NBPF15: variants seen among roughly 807,000 people sequenced by gnomAD.
NBPF15 encodes NBPF family member NBPF15.
A neutral mutation model predicts 62.2 loss-of-function variants in NBPF15; 74 were observed. The ratio of observed to expected loss-of-function variants is 1.19; its 90% CI spans 0.99 to 1.44. The LOEUF is 1.44. Among genes scored for constraint, NBPF15 ranks in the 40% most tolerant of loss-of-function variants. The pLI is 0.00. For synonymous variants in NBPF15, 244 were observed against 209.7 expected (o/e 1.16, Z -1.41); for missense variants, 790 against 550.0 (o/e 1.44, Z -4.36).
intron 19 of NBPF15, among the ~76,000 whole-genome samples, chr1:144,425,087 C>T (rs879949506): frequency 1.4e-5 from 2 of 146,606 alleles, no homozygotes; most frequent in South Asian, 4.6e-4. Flanking sequence ...CACACACACA[C>T]ACACACACAC....
rs1553538518 is a variant in NBPF15 at position 144,423,078 on chromosome 1, A to T, written c.1948T>A (p.Phe650Ile). The T allele has an allele frequency of 6.2e-7, 1 of 1,611,546 alleles. No homozygotes were observed. Among genetic ancestry groups the T allele is most frequent in the African/African-American group, 1.3e-5 (1 of 74,866 alleles). Residue 650 changes from phenylalanine (F) to isoleucine (I), a missense_variant, in exon 22 of 22, where the codon TTT becomes ATT. Phe to Ile is a conservative substitution (Grantham distance 21). Transcript: ENST00000581897. ...ISFALYVDNR[F>I]FTLTVTSLHL... ...AGACTTGTCACCGTCAAAGTAAAAA[A>T]CCTATTGTCCACGTAAAGGGCGAAG...
At chr1:144,435,018 A>G (rs1171564235) in intron 12 of NBPF15, 93 bp downstream of exon 12, 2 of 1,608,846 alleles carry the variant, frequency 1.2e-6, no homozygotes, top group African/African-American at 1.3e-5. Context: ...ACAGTTTTTT[A>G]TTCAAATGAA....
At chr1:144,439,610 A>C (rs61812386) in intron 8 of NBPF15, among the ~76,000 whole-genome samples, 15 of 151,980 alleles carry the variant, frequency 9.9e-5, no homozygotes, top group Admixed American at 5.2e-4. Context: ...TGGCAGTTTA[A>C]CTCTAGTCCC....
intron 8 of NBPF15, among the ~76,000 whole-genome samples, chr1:144,438,791 A>C (rs1680613071): frequency 6.6e-6 from 1 of 151,908 alleles, no homozygotes; most frequent in African/African-American, 2.4e-5. Context: ...ACTGAGGGAC[A>C]GACAAGACAA....
intron 5 of NBPF15, among the ~76,000 whole-genome samples, chr1:144,450,507 T>A (rs1690399040): frequency 6.6e-6 from 1 of 151,112 alleles, no homozygotes. Context: ...TAGCTTGAGC[T>A]CTAGGAATAA....
rs1280114293 is a variant in NBPF15, at chr1:144,427,786, G to A, written c.1213+32C>T. ...ATGACCCTAACCAGAAGACTCAGTG[G>A]ATCCTTATCACCTTCATAGAAAGGT... On this transcript the variant is annotated intron_variant, in intron 16 of 21. Transcript: ENST00000581897. 24 of 627,838 alleles carry A rather than the reference G, an allele frequency of 3.8e-5. 1 individual carries two copies. Among genetic ancestry groups the A allele is most frequent in the South Asian group, 7.7e-5 (4 of 52,024 alleles). 38.9% of individuals were successfully genotyped at this position (627,838 alleles called of 1,614,324 possible).
chr1:144,459,959 C>T (rs1553547967), intron 2 of NBPF15, among the ~76,000 whole-genome samples: 1 of 150,528 alleles, frequency 6.6e-6, no homozygotes. Context: ...TACAAATATA[C>T]CCCAGTCTAG....
Position 144,461,029 on chromosome 1 carries a change from C to G in NBPF15, c.-937-68G>C, listed in dbSNP as rs374517451. The G allele has an allele frequency of 1.3e-5, 2 of 150,806 alleles. 1 individual carries two copies. The highest frequency in any genetic ancestry group is 3.0e-5 in the Non-Finnish European group (2 of 67,600). The allele number at this position is 150,806 out of a possible 1,614,324, so 9.3% of individuals were successfully genotyped here. On this transcript the variant is annotated intron_variant, in intron 1 of 21. Coordinates refer to ENST00000581897, the MANE Select transcript of NBPF15 (RefSeq NM_001385408.1). ...ACCCCAACTTTGCAAGTCAGGGGCG[C>G]GAGTGGTCTCGCTTCTCAGGTCCCC... is the stretch of plus-strand genomic sequence containing the variant.
chr1:144,426,097 G>C (rs1669401391), intron 18 of NBPF15, among the ~76,000 whole-genome samples, 181 bp downstream of exon 18: 1 of 87,792 alleles, frequency 1.1e-5, no homozygotes, highest in African/African-American at 6.3e-5. Context: ...CTTGCTCACT[G>C]ACCCATTTCA....
At chr1:144,439,719 A>G in intron 8 of NBPF15, 110 bp downstream of exon 8, 1 of 760,062 alleles carries the variant, frequency 1.3e-6, no homozygotes, top group East Asian at 2.5e-5. Context: ...CTGTTTTCCT[A>G]GAAGTACAGG....
chr1:144,438,846 T>C (rs1307912117), intron 8 of NBPF15, among the ~76,000 whole-genome samples: 1 of 151,952 alleles, frequency 6.6e-6, no homozygotes, highest in African/African-American at 2.4e-5. Flanking sequence ...GTCCCTGCTC[T>C]GTACACTGCA....
rs1681644976 is a variant in NBPF15 at position 144,440,040 on chromosome 1, T to G, written c.-35-2A>C. On this transcript the variant is annotated splice_acceptor_variant, in intron 7 of 21. Coordinates refer to ENST00000581897, the MANE Select transcript of NBPF15 (RefSeq NM_001385408.1). LOFTEE classifies it low-confidence loss of function (5UTR_SPLICE). ...TGGCAGAAGAGGTGGAGTCAGGGAC[T>G]GGGGAGAAGAAACCCAAACATATGA... 6.3e-7 allele frequency: 1 copy of G among 1,593,694 alleles called. No homozygotes were observed. The highest frequency in any genetic ancestry group is 1.3e-5 in the African/African-American group (1 of 74,496).
intron 13 of NBPF15, among the ~76,000 whole-genome samples, chr1:144,432,525 A>G (rs1267198371): frequency 6.6e-6 from 1 of 152,006 alleles, no homozygotes; most frequent in Non-Finnish European, 1.5e-5. Flanking sequence ...AATTGGATAA[A>G]GAGTCAAGAC....
intron 6 of NBPF15, among the ~76,000 whole-genome samples, chr1:144,444,723 A>G (rs1398618866): frequency 6.6e-6 from 1 of 151,890 alleles, no homozygotes; most frequent in Non-Finnish European, 1.5e-5. Flanking sequence ...TGGTCTGGTG[A>G]TAATTTCCAG....
chr1:144,449,644 A>G (rs1689869142), intron 5 of NBPF15, among the ~76,000 whole-genome samples: 1 of 152,028 alleles, frequency 6.6e-6, no homozygotes, highest in Non-Finnish European at 1.5e-5. Context: ...GCCCAGAGGT[A>G]AAGACCCACA....
chr1:144,447,678 C>G (rs587657122), intron 6 of NBPF15, among the ~76,000 whole-genome samples: 3 of 152,060 alleles, frequency 2.0e-5, no homozygotes, highest in African/African-American at 7.2e-5. Context: ...ACTAATATCC[C>G]CAAGTCTGTG....
chr1:144,436,542 A>G (rs1194313201), intron 10 of NBPF15, among the ~76,000 whole-genome samples: 2 of 152,036 alleles, frequency 1.3e-5, no homozygotes, highest in African/African-American at 4.8e-5. Flanking sequence ...GTTACTAAGA[A>G]CATTGCCGAA....
chr1:144,455,783 T>C (rs1489628858), intron 4 of NBPF15, among the ~76,000 whole-genome samples: 3 of 151,842 alleles, frequency 2.0e-5, no homozygotes, highest in Non-Finnish European at 4.4e-5. Context: ...TCTCAATGCC[T>C]GCAGTGGTGG....
chr1:144,459,757 T>C (rs1281950560), intron 2 of NBPF15, among the ~76,000 whole-genome samples: 83 of 151,496 alleles, frequency 5.5e-4, no homozygotes, highest in Middle Eastern at 3.4e-3. Flanking sequence ...AAATGCAAAA[T>C]GAAATCACAC....
Sources: allele counts gnomAD v4.1 joint callset (sites outside exome capture counted in the v4.1 genomes callset), GRCh38; gene constraint gnomAD v4.1.1; transcripts MANE v1.5; gene names NCBI Gene and HGNC (gene_info 2026-07-23, HGNC 2026-07-21).